Variants in KDM8 observed in about 807,000 individuals in gnomAD.
KDM8 encodes bifunctional peptidase and arginyl-hydroxylase JMJD5.
A neutral mutation model predicts 46.9 loss-of-function variants in KDM8; 35 were observed. The observed-to-expected ratio is 0.75, with a 90% confidence interval of 0.57 to 0.99. KDM8 has a LOEUF of 0.99. KDM8 is among the 50% of genes least tolerant of loss of function. The pLI is 0.00. For missense variants in KDM8, 475 were observed against 537.0 expected (o/e 0.88, Z 1.14); for synonymous variants, 232 against 227.7 (o/e 1.02, Z -0.17).
chr16:27,219,693 G>A (rs996289081), intron 6 of KDM8, among the ~76,000 whole-genome samples: 8 of 152,268 alleles, frequency 5.3e-5, no homozygotes, highest in Non-Finnish European at 8.8e-5. Flanking sequence ...CGTGCCTGGC[G>A]CAGACAGCAG....
intron 2 of KDM8, chr16:27,211,211 C>T (rs748646709): frequency 5.5e-5 from 25 of 451,288 alleles, no homozygotes; most frequent in African/African-American, 1.8e-4. Context: ...CAGCTTAAAG[C>T]GATTGTGTGG....
At chr16:27,215,074 T>A (rs1297114800) in intron 4 of KDM8, 66 bp downstream of exon 4, 4 of 1,569,478 alleles carry the variant, frequency 2.5e-6, no homozygotes, top group Non-Finnish European at 3.5e-6. Flanking sequence ...TTTAGGCAAA[T>A]AACCCCCCAT....
At chr16:27,203,830 C>G (rs2083399194) in intron 1 of KDM8, 194 bp downstream of exon 1, 1 of 424,588 alleles carries the variant, frequency 2.4e-6, no homozygotes, top group African/African-American at 2.1e-5. Flanking sequence ...CGTCGCCGGC[C>G]TGCCCTGCGG....
chr16:27,219,197 G>A, intron 6 of KDM8, 87 bp downstream of exon 6: 2 of 1,367,754 alleles, frequency 1.5e-6, no homozygotes, highest in African/African-American at 1.5e-5. Context: ...TAAACACCGG[G>A]CTCTTAAAAA....
chr16:27,220,704 T>A lies in KDM8; in HGVS notation c.1225T>A (p.Phe409Ile). 1 of 1,614,178 alleles carries A rather than the reference T, an allele frequency of 6.2e-7. No individual in the cohort carries two copies. The highest frequency in any genetic ancestry group is 8.5e-7 in the Non-Finnish European group (1 of 1,180,032). Residue 409 changes from phenylalanine to isoleucine, a missense_variant, in exon 8 of 8, where the codon TTC becomes ATC. Phe to Ile is a conservative substitution (Grantham distance 21, BLOSUM62 0). Coordinates refer to ENST00000286096, the MANE Select transcript of KDM8 (RefSeq NM_024773.3). ...TTACGTGCGGGCTCTGGATTTGAGC[T>A]TCTCGGTCAGCTTCTGGTGGTCGTA... ...WHYVRALDLS[F>I]SVSFWWS
chr16:27,216,182 G>A (rs1273730795), intron 5 of KDM8, 193 bp downstream of exon 5: 8 of 621,156 alleles, frequency 1.3e-5, no homozygotes, highest in Admixed American at 1.0e-4. Context: ...GGTCGCCAGT[G>A]CCCCGAGGAT....
At chr16:27,204,427 G>T in intron 1 of KDM8, 1 of 1,153,016 alleles carries the variant, frequency 8.7e-7, no homozygotes, top group South Asian at 3.2e-5. Context: ...AAAGCTTTCT[G>T]GAAAATGTTC....
At chr16:27,210,037 C>T in intron 1 of KDM8, 56 bp from the exon 2 acceptor site, 1 of 1,490,870 alleles carries the variant, frequency 6.7e-7, no homozygotes, top group South Asian at 1.3e-5. Context: ...TGCGGGAATG[C>T]ACAGGGGATC....
intron 6 of KDM8, 49 bp from the exon 7 acceptor site, chr16:27,220,344 C>A: frequency 6.5e-7 from 1 of 1,530,802 alleles, no homozygotes; most frequent in Non-Finnish European, 9.1e-7. Context: ...GGGCTTGGGG[C>A]AGCAGTGGAG....
Position 27,215,953 on chromosome 16 carries a change from C to T in KDM8, c.807C>T (p.Asp269=), listed in dbSNP as rs562336037. 9.3e-5 allele frequency: 150 copies of T among 1,614,170 alleles called. No individual in the cohort carries two copies. Among genetic ancestry groups the T allele is most frequent in the Non-Finnish European group, 7.9e-5 (93 of 1,180,032 alleles). The change falls in exon 5 of 8, where the codon GAC becomes GAT. Residue 269 remains aspartate (D), a synonymous_variant. Coordinates refer to ENST00000286096, the MANE Select transcript of KDM8 (RefSeq NM_024773.3). ...TTTCCCCGGTGGATTAGCCAAGGGA[C>T]GTCGGGTACCTTGCTCAGCACCAGC... ...ISKYIVNEPR[D]VGYLAQHQLF... is the part of the protein sequence containing the mutation.
chr16:27,204,979 T>C (rs571644409), intron 1 of KDM8, among the ~76,000 whole-genome samples: 1 of 152,170 alleles, frequency 6.6e-6, no homozygotes, highest in African/African-American at 2.4e-5. Context: ...TGAGCCAAGA[T>C]TGGGCCAGTG....
At chr16:27,210,064 C>CT in intron 1 of KDM8, 29 bp from the exon 2 acceptor site, 8 of 1,567,502 alleles carry the variant, frequency 5.1e-6, no homozygotes, top group Non-Finnish European at 6.9e-6. Context: ...GTCCTGGTGT[C>CT]TAACTCTTGT....
In KDM8 at chr16:27,221,724, G is replaced by C. The variant is rs1248270339; in HGVS notation, c.*994G>C. ...CCATTAAGATTTTCCCCAGCCCTCT[G>C]TTTTTTGTTTTTTAAACTAAATAGA... On this transcript the variant is annotated 3_prime_UTR_variant, in exon 8 of 8. Transcript: ENST00000286096. The C allele has an allele frequency of 6.6e-6, 1 of 152,280 alleles. No individual in the cohort carries two copies. The highest frequency in any genetic ancestry group is 2.4e-5 in the African/African-American group (1 of 41,458). 9.4% of individuals were successfully genotyped at this position (152,280 alleles called of 1,614,324 possible).
chr16:27,210,053 T>C, intron 1 of KDM8, 40 bp from the exon 2 acceptor site: 1 of 1,543,134 alleles, frequency 6.5e-7, no homozygotes, highest in Middle Eastern at 1.8e-4. Context: ...GGATCAGGTC[T>C]GTCCTGGTGT....
At position 27,220,432 on chromosome 16, in the gene KDM8, G is replaced by C. The variant is rs757070916; in HGVS notation, c.1033G>C (p.Glu345Gln). 6.2e-7 allele frequency: 1 copy of C among 1,614,014 alleles called. No homozygotes were observed. The highest frequency in any genetic ancestry group is 8.5e-7 in the Non-Finnish European group (1 of 1,180,044). ...GTACATCCGGCTGTATTCCCCGCAG[G>C]AGTCAGGGGCTCTGTACCCTCATGA... ...RKYIRLYSPQESGALYPHDTH... is the reference protein window; with the variant it reads ...RKYIRLYSPQQSGALYPHDTH... Residue 345 changes from glutamate (E) to glutamine (Q), a missense_variant, in exon 7 of 8, where the codon GAG becomes CAG. Coordinates refer to ENST00000286096, the MANE Select transcript of KDM8 (RefSeq NM_024773.3).
At chr16:27,213,439 G>T in intron 2 of KDM8, 146 bp from the exon 3 acceptor site, 1 of 743,866 alleles carries the variant, frequency 1.3e-6, no homozygotes. Flanking sequence ...AATAGTAGCA[G>T]TAATAATAAC....
chr16:27,219,030 A>G lies in KDM8; in HGVS notation c.913A>G (p.Ile305Val). 1 of 1,614,020 alleles carries G rather than the reference A, an allele frequency of 6.2e-7. No individual in the cohort carries two copies. The highest frequency in any genetic ancestry group is 8.5e-7 in the Non-Finnish European group (1 of 1,179,956). Reference sequence around the variant, plus strand: ...CCTGGGCGATGGGGAGGAGGAGGAAATCACCATCAATGCCTGGTTTGGTCC... The same window carrying G: ...CCTGGGCGATGGGGAGGAGGAGGAAGTCACCATCAATGCCTGGTTTGGTCC... ...CSLGDGEEEE[I>V]TINAWFGPQG... is the part of the protein sequence containing the mutation. The change falls in exon 6 of 8, where the codon ATC becomes GTC. Residue 305 changes from isoleucine to valine, a missense_variant. Ile to Val is a conservative substitution (Grantham distance 29, BLOSUM62 3). Coordinates refer to ENST00000286096, the MANE Select transcript of KDM8 (RefSeq NM_024773.3).
chr16:27,215,926 G>T lies in KDM8; in HGVS notation c.799-19G>T, dbSNP rs766857792. 8 of 1,614,136 alleles carry T rather than the reference G, an allele frequency of 5.0e-6. No individual in the cohort carries two copies. The highest frequency in any genetic ancestry group is 6.8e-6 in the Non-Finnish European group (8 of 1,180,004). On this transcript the variant is annotated intron_variant, in intron 4 of 7. Transcript: ENST00000286096. The stretch of plus-strand genomic sequence containing the variant: ...AACTGGGCTTTCTGTGTTGCCTCTG[G>T]TTTTCCCCGGTGGATTAGCCAAGGG...
chr16:27,209,813 G>T (rs548775638), intron 1 of KDM8, among the ~76,000 whole-genome samples: 124 of 152,328 alleles, frequency 8.1e-4, no homozygotes, highest in African/African-American at 2.9e-3. Flanking sequence ...GAGTTTGCCA[G>T]GCAGCGGAGG....
Sources: allele counts gnomAD v4.1 joint callset (sites outside exome capture counted in the v4.1 genomes callset), GRCh38; gene constraint gnomAD v4.1.1; transcripts MANE v1.5; gene names NCBI Gene and HGNC (gene_info 2026-07-23, HGNC 2026-07-21).